Variants in HS6ST3 observed in about 807,000 individuals in gnomAD.
HS6ST3 encodes the protein heparan-sulfate 6-O-sulfotransferase 3.
Under a neutral mutation model 36.7 loss-of-function variants are expected in HS6ST3, and 12 were observed. That is an observed-to-expected ratio of 0.33 (90% CI 0.21 to 0.53). The LOEUF is 0.53. HS6ST3 is among the 20% of genes least tolerant of loss of function. HS6ST3 has a pLI of 0.95. For synonymous variants in HS6ST3, 240 were observed against 257.5 expected, an observed-to-expected ratio of 0.93 and a Z score of 0.65; for missense variants, 584 against 640.9, an observed-to-expected ratio of 0.91 and a Z score of 0.96.
intron 1 of HS6ST3, among the ~76,000 whole-genome samples, chr13:96,118,523 T>C (rs1256281914): frequency 2.6e-5 from 4 of 151,434 alleles, no homozygotes; most frequent in Non-Finnish European, 4.4e-5. Flanking sequence ...TGATGGACAA[T>C]TTCCATGAAA....
intron 1 of HS6ST3, among the ~76,000 whole-genome samples, chr13:96,148,149 T>C (rs774215215): frequency 9.9e-5 from 15 of 152,228 alleles, no homozygotes; most frequent in Non-Finnish European, 1.8e-4. Context: ...AGAAATTTGG[T>C]GTTGTTTTTG....
chr13:96,778,967 C>T (rs1431748536), intron 1 of HS6ST3, among the ~76,000 whole-genome samples: 3 of 152,162 alleles, frequency 2.0e-5, no homozygotes, highest in African/African-American at 7.2e-5. Context: ...GGCACATATA[C>T]ACCATGGAAT....
intron 1 of HS6ST3, among the ~76,000 whole-genome samples, chr13:96,682,181 A>T (rs910140893): frequency 6.6e-6 from 1 of 152,154 alleles, no homozygotes; most frequent in African/African-American, 2.4e-5. Flanking sequence ...ATGTCTGTCC[A>T]TATTCAGACC....
Position 96,287,297 on chromosome 13 carries a change from C to A in HS6ST3, c.707+195728C>A, listed in dbSNP as rs538461355. 6.6e-5 allele frequency among the ~76,000 whole-genome samples: 10 copies of A among 152,230 alleles called. No individual in the cohort carries two copies. In the South Asian group the frequency reaches 2.1e-3, roughly 32 times the overall value. On this transcript the variant is annotated intron_variant, in intron 1 of 1. Coordinates refer to ENST00000376705, the MANE Select transcript of HS6ST3 (RefSeq NM_153456.4). ...TCCATGAGATAACTCTGATTTACTT[C>A]AAGGAGTCTTAACCATAAAAATATA... is the stretch of plus-strand genomic sequence containing the variant.
At chr13:96,437,537 G>A (rs1248182299) in intron 1 of HS6ST3, among the ~76,000 whole-genome samples, 3 of 152,190 alleles carry the variant, frequency 2.0e-5, no homozygotes, top group Non-Finnish European at 4.4e-5. Context: ...AACACATGAG[G>A]ATGCTTAATT....
intron 1 of HS6ST3, among the ~76,000 whole-genome samples, chr13:96,613,155 A>C (rs961896068): frequency 3.9e-5 from 6 of 152,122 alleles, no homozygotes; most frequent in African/African-American, 1.2e-4. Flanking sequence ...CCTATTATAC[A>C]GGTGTATAGG....
intron 1 of HS6ST3, among the ~76,000 whole-genome samples, chr13:96,760,200 T>C (rs1417888970): frequency 6.6e-6 from 1 of 152,052 alleles, no homozygotes; most frequent in Non-Finnish European, 1.5e-5. Flanking sequence ...CATGGGAACA[T>C]TTTTAAATTA....
chr13:96,308,308 CAG>C (rs1231154302), intron 1 of HS6ST3, among the ~76,000 whole-genome samples: 1 of 152,054 alleles, frequency 6.6e-6, no homozygotes. Context: ...AGAAGAATAA[CAG>C]ATTCATTTCA....
At chr13:96,299,475 A>C (rs1357934638) in intron 1 of HS6ST3, among the ~76,000 whole-genome samples, 4 of 152,296 alleles carry the variant, frequency 2.6e-5, no homozygotes, top group African/African-American at 9.6e-5. Context: ...GTCACCATGC[A>C]TAGAGAAAAC....
intron 1 of HS6ST3, among the ~76,000 whole-genome samples, chr13:96,265,235 A>T (rs1178494868): frequency 6.6e-6 from 1 of 151,906 alleles, no homozygotes; most frequent in Non-Finnish European, 1.5e-5. Flanking sequence ...AGGTGCAGTT[A>T]TGTGATCATG....
At chr13:96,370,721 G>C (rs889564035) in intron 1 of HS6ST3, among the ~76,000 whole-genome samples, 2 of 152,228 alleles carry the variant, frequency 1.3e-5, no homozygotes, top group South Asian at 4.1e-4. Flanking sequence ...AGACCAGCCT[G>C]GCCAACATGG....
chr13:96,239,426 C>T (rs2054549968), intron 1 of HS6ST3, among the ~76,000 whole-genome samples: 1 of 152,136 alleles, frequency 6.6e-6, no homozygotes, highest in South Asian at 2.1e-4. Flanking sequence ...TATCACATTG[C>T]ACTACTTTAT....
intron 1 of HS6ST3, among the ~76,000 whole-genome samples, chr13:96,189,856 A>G (rs956049812): frequency 2.0e-5 from 3 of 152,212 alleles, no homozygotes; most frequent in South Asian, 4.1e-4. Flanking sequence ...ATGTTTGCTC[A>G]CAGGGCTTTG....
At chr13:96,285,966 C>T (rs536803671) in intron 1 of HS6ST3, among the ~76,000 whole-genome samples, 1 of 149,580 alleles carries the variant, frequency 6.7e-6, no homozygotes, top group South Asian at 2.2e-4. Context: ...TCCTGCCTGC[C>T]CTTCTCTTCC....
At chr13:96,614,317 AAAAAAAAAAAAC>A (rs971028624) in intron 1 of HS6ST3, among the ~76,000 whole-genome samples, 3 of 149,906 alleles carry the variant, frequency 2.0e-5, no homozygotes, top group African/African-American at 7.4e-5. Flanking sequence ...AAAAAAAAAA[AAAAAAAAAAAAC>A]AGTTATTACC....
chr13:96,588,140 G>A (rs1242725135), intron 1 of HS6ST3, among the ~76,000 whole-genome samples: 2 of 149,424 alleles, frequency 1.3e-5, no homozygotes, highest in African/African-American at 4.9e-5. Flanking sequence ...ATTTCTAACA[G>A]TTTTTATGTG....
chr13:96,487,449 TTAAA>T (rs1222669320), intron 1 of HS6ST3, among the ~76,000 whole-genome samples: 1 of 152,136 alleles, frequency 6.6e-6, no homozygotes, highest in East Asian at 1.9e-4. Context: ...TGCATCCCGC[TTAAA>T]TTGAATTTCT....
At chr13:96,178,079 G>T (rs552545084) in intron 1 of HS6ST3, among the ~76,000 whole-genome samples, 2 of 152,152 alleles carry the variant, frequency 1.3e-5, no homozygotes, top group East Asian at 3.9e-4. Flanking sequence ...GGAGTGTTTT[G>T]GTATCTGGGA....
At chr13:96,382,062 A>G (rs2139446736) in intron 1 of HS6ST3, among the ~76,000 whole-genome samples, 1 of 152,106 alleles carries the variant, frequency 6.6e-6, no homozygotes, top group South Asian at 2.1e-4. Context: ...TTGTTTGAAT[A>G]ATTTTGTGGG....
Sources: gnomAD v4.1 joint callset for allele counts (sites outside exome capture counted in the v4.1 genomes callset) on GRCh38, gnomAD v4.1.1 for gene constraint, MANE v1.5 for transcripts, NCBI Gene and HGNC (gene_info 2026-07-23, HGNC 2026-07-21) for gene names.